The following DOT1L variants were observed in gnomAD, a reference collection of about 807,000 sequenced individuals.
The protein encoded by DOT1L is histone-lysine N-methyltransferase, H3 lysine-79 specific.
Under a neutral mutation model 153.3 loss-of-function variants are expected in DOT1L, and 33 were observed. The ratio of observed to expected loss-of-function variants is 0.22; its 90% CI spans 0.16 to 0.29. The LOEUF is 0.29. DOT1L is among the 10% of genes least tolerant of loss of function. The pLI is 1.00. For missense variants in DOT1L, 1,847 were observed against 2,119.9 expected (o/e 0.87, Z 2.53); for synonymous variants, 1,135 against 965.1 (o/e 1.18, Z -3.26).
Position 2,217,033 on chromosome 19 carries a change from C to T in DOT1L, c.2487C>T (p.Asp829=), listed in dbSNP as rs2023932961. Reference sequence around the variant, plus strand: ...GCAGCATGAAGCTGAGCCCTCAGGACCCGCGGCCCCTGTCCCCTGGGGCCT... The same window carrying T: ...GCAGCATGAAGCTGAGCCCTCAGGATCCGCGGCCCCTGTCCCCTGGGGCCT... The part of the protein sequence containing the change: ...VPGSMKLSPQ[D]PRPLSPGALQ... Residue 829 remains aspartate, a synonymous_variant, in exon 21 of 28, where the codon GAC becomes GAT. Transcript: ENST00000398665. This position sits in a 1 kb window ranked among gnomAD's most constrained non-coding sequence, Gnocchi z 7.3. 3 of 1,612,790 alleles carry T rather than the reference C, an allele frequency of 1.9e-6. No homozygotes were observed. In the African/African-American group the frequency reaches 4.0e-5, roughly 21 times the overall value.
intron 9 of DOT1L, among the ~76,000 whole-genome samples, chr19:2,205,814 C>T (rs1348077322): frequency 6.6e-6 from 1 of 152,094 alleles, no homozygotes; most frequent in African/African-American, 2.4e-5. Flanking sequence ...CTGCCCCAGC[C>T]TCCCGAGTAG....
chr19:2,208,901 C>G lies in DOT1L; in HGVS notation c.964-34C>G, dbSNP rs1442726181. On this transcript the variant is annotated intron_variant, in intron 11 of 27. Coordinates refer to ENST00000398665, the MANE Select transcript of DOT1L (RefSeq NM_032482.3). This position sits in a 1 kb window ranked among gnomAD's most constrained non-coding sequence, Gnocchi z 4.4. ...ACAAATCCGAACAGAGATTGGGACT[C>G]CCTTCTAATCAGGGTTCTCTTTCTT... is the stretch of plus-strand genomic sequence containing the variant. The G allele has an allele frequency of 1.9e-6, 3 of 1,606,398 alleles. No homozygotes were observed. In the African/African-American group the frequency reaches 4.0e-5, roughly 22 times the overall value.
Position 2,207,608 on chromosome 19 carries a change from G to A in DOT1L, c.891G>A (p.Ser297=), listed in dbSNP as rs531777088. 24 of 1,612,254 alleles carry A rather than the reference G, an allele frequency of 1.5e-5. No individual in the cohort carries two copies. Among genetic ancestry groups the A allele is most frequent in the African/African-American group, 2.7e-5 (2 of 74,878 alleles). ...CCATCATGCGCGTGGTGGAGCTCTC[G>A]CCCCTGAAGGGCTCGGTGTCGTGGA... ...IGTIMRVVEL[S]PLKGSVSWTG... Residue 297 remains serine (S), a synonymous_variant, in exon 11 of 28, where the codon TCG becomes TCA. Coordinates refer to ENST00000398665, the MANE Select transcript of DOT1L (RefSeq NM_032482.3). This position sits in a 1 kb window ranked among gnomAD's most constrained non-coding sequence, Gnocchi z 4.5.
Position 2,193,123 on chromosome 19 carries a change from C to T in DOT1L, c.494-566C>T, listed in dbSNP as rs909196256. On this transcript the variant is annotated intron_variant, in intron 5 of 27. Coordinates refer to ENST00000398665, the MANE Select transcript of DOT1L (RefSeq NM_032482.3). The surrounding 1 kb of genome is among the most constrained non-coding windows in gnomAD (Gnocchi z 5.9). The stretch of plus-strand genomic sequence containing the variant: ...TATCTGCAGCCCCTGTTCCCTCCTT[C>T]TCCCTTAGAGCCGGGTGTTGCTGGG... Among the ~76,000 whole-genome samples the T allele has an allele frequency of 6.6e-6, 1 of 152,226 alleles. No individual in the cohort carries two copies. Among genetic ancestry groups the T allele is most frequent in the South Asian group, 2.1e-4 (1 of 4,834 alleles).
intron 20 of DOT1L, 52 bp downstream of exon 20, chr19:2,216,817 C>A: frequency 6.4e-7 from 1 of 1,559,036 alleles, no homozygotes. Context: ...GCCGACTCTG[C>A]CTGGTGTGCT....
At chr19:2,214,636 CT>C in intron 19 of DOT1L, 40 bp downstream of exon 19, 6 of 1,602,498 alleles carry the variant, frequency 3.7e-6, no homozygotes, top group Non-Finnish European at 5.1e-6. Flanking sequence ...GTGTCCGAGC[CT>C]CTCCCATCAG....
chr19:2,230,464 A>T lies in DOT1L; in HGVS notation c.*672A>T, dbSNP rs894651848. The T allele has an allele frequency of 2.5e-6, 1 of 399,066 alleles. No homozygotes were observed. The highest frequency in any genetic ancestry group is 2.1e-5 in the African/African-American group (1 of 48,654). 24.7% of individuals were successfully genotyped at this position (399,066 alleles called of 1,614,324 possible). A position where few individuals can be genotyped will look rare whatever the true frequency, so the allele number is the denominator to read the frequency against. On this transcript the variant is annotated 3_prime_UTR_variant, in exon 28 of 28. Transcript: ENST00000398665. ...TGCATGTGAAGGGGCCTGCGCGGTG[A>T]CGCAGCTGGCCATGTGCTGCGCGAT...
chr19:2,187,665 G>C (rs2144725882), intron 3 of DOT1L, among the ~76,000 whole-genome samples: 1 of 152,260 alleles, frequency 6.6e-6, no homozygotes. Context: ...GCTCACACCT[G>C]TAATCCCAGC....
chr19:2,169,648 C>G (rs2020052992), intron 1 of DOT1L, among the ~76,000 whole-genome samples: 1 of 152,116 alleles, frequency 6.6e-6, no homozygotes, highest in Non-Finnish European at 1.5e-5. Context: ...TGTGAGCCAC[C>G]ACGCCCAGCT....
At chr19:2,228,484 TGAG>T in intron 27 of DOT1L, 2 of 1,196,628 alleles carry the variant, frequency 1.7e-6, no homozygotes, top group Non-Finnish European at 1.1e-6. Context: ...CCGGGGGTCC[TGAG>T]GAGGGAAGAG....
At chr19:2,189,830 A>C in intron 4 of DOT1L, 35 bp downstream of exon 4, 2 of 1,609,072 alleles carry the variant, frequency 1.2e-6, no homozygotes. Flanking sequence ...GGGGGTTAGT[A>C]GTGCCAGGCT....
rs753649340 is a variant in DOT1L, at chr19:2,207,713, C to T, written c.963+33C>T. On this transcript the variant is annotated intron_variant, in intron 11 of 27. Coordinates refer to ENST00000398665, the MANE Select transcript of DOT1L (RefSeq NM_032482.3). This position sits in a 1 kb window ranked among gnomAD's most constrained non-coding sequence, Gnocchi z 4.5. ...TCTCGCTGCGCCTCAGCCGCAGGGCCGTCCTGGTCTTCCACCCCGCCCACG... is the reference window on the plus strand; with the variant it reads ...TCTCGCTGCGCCTCAGCCGCAGGGCTGTCCTGGTCTTCCACCCCGCCCACG... The T allele has an allele frequency of 2.3e-5, 36 of 1,565,190 alleles. No individual in the cohort carries two copies. Among genetic ancestry groups the T allele is most frequent in the Middle Eastern group, 1.7e-4 (1 of 5,922 alleles).
At chr19:2,223,893 C>T (rs1458130709) in intron 25 of DOT1L, among the ~76,000 whole-genome samples, 1 of 152,168 alleles carries the variant, frequency 6.6e-6, no homozygotes, top group African/African-American at 2.4e-5. Context: ...TTTGGTATAT[C>T]CACATTACCA....
intron 1 of DOT1L, among the ~76,000 whole-genome samples, chr19:2,175,471 G>A (rs147191912): frequency 3.3e-5 from 5 of 152,282 alleles, no homozygotes; most frequent in Admixed American, 2.0e-4. Flanking sequence ...TGGCCAAGGA[G>A]ATAAATTTTC....
chr19:2,166,986 C>T (rs2019946507), intron 1 of DOT1L, among the ~76,000 whole-genome samples: 1 of 152,200 alleles, frequency 6.6e-6, no homozygotes, highest in African/African-American at 2.4e-5. Context: ...GTCCTGGTGG[C>T]TTTCAGGCGG....
In DOT1L at chr19:2,206,521, C is replaced by CAAAAAAAA. The variant is rs5826758; in HGVS notation, c.788-192_788-185dup. ...TGCAGTGAGCCGGGAGACTCTGTCT[C>CAAAAAAAA]AAAAAAAAAAAAAAAAAAAAAAAGT... On this transcript the variant is annotated intron_variant, in intron 9 of 27. Transcript: ENST00000398665. Among the ~76,000 whole-genome samples, 112 of 80,694 alleles carry CAAAAAAAA rather than the reference C, an allele frequency of 1.4e-3. 2 individuals are homozygous for CAAAAAAAA. The highest frequency in any genetic ancestry group is 2.7e-4 in the Non-Finnish European group (11 of 40,590). The allele number at this position is 80,694 out of a possible 152,430, so 52.9% of individuals were successfully genotyped here. A position where few individuals can be genotyped will look rare whatever the true frequency, so the allele number is the denominator to read the frequency against.
At chr19:2,183,924 C>T (rs550598247) in intron 2 of DOT1L, among the ~76,000 whole-genome samples, 5 of 119,552 alleles carry the variant, frequency 4.2e-5, no homozygotes, top group Non-Finnish European at 8.2e-5. Flanking sequence ...CACGCCCGGC[C>T]TTTGGTGCTT....
intron 23 of DOT1L, 90 bp from the exon 24 acceptor site, chr19:2,221,886 C>T: frequency 2.3e-6 from 3 of 1,322,514 alleles, no homozygotes; most frequent in Non-Finnish European, 3.0e-6. Context: ...TCCTGGAGCC[C>T]ACAGAGCTCC....
chr19:2,214,697 A>G (rs1486245368), intron 19 of DOT1L, 101 bp downstream of exon 19: 24 of 1,492,034 alleles, frequency 1.6e-5, no homozygotes, highest in Non-Finnish European at 2.1e-5. Context: ...GCAGCAGCCT[A>G]GGAAGAAGGT....
Sources: allele counts gnomAD v4.1 joint callset (sites outside exome capture counted in the v4.1 genomes callset), GRCh38; gene constraint gnomAD v4.1.1; non-coding constraint Gnocchi (gnomAD v3.1); transcripts MANE v1.5; gene names NCBI Gene and HGNC (gene_info 2026-07-23, HGNC 2026-07-21).